The following KIF13B variants were observed in gnomAD, a reference collection of about 807,000 sequenced individuals.
KIF13B encodes the protein kinesin family member 13B, also known as kinesin-like protein KIF13B.
KIF13B carries 127 observed loss-of-function variants against 222.0 expected under a neutral mutation model. The ratio of observed to expected loss-of-function variants is 0.57; its 90% CI spans 0.50 to 0.66. KIF13B has a LOEUF of 0.66. KIF13B is among the 30% of genes least tolerant of loss of function. KIF13B has a pLI of 0.00. For missense variants in KIF13B, 2,173 were observed against 2,379.0 expected (o/e 0.91, Z 1.80); for synonymous variants, 976 against 919.0 (o/e 1.06, Z -1.12).
At chr8:29,173,765 A>G (rs4732665) in intron 10 of KIF13B, among the ~76,000 whole-genome samples, 126,869 of 151,948 alleles carry the variant, frequency 0.83, 53,698 homozygotes, top group Non-Finnish European at 0.9. Flanking sequence ...TCAACATGGC[A>G]AAACCCTGTC....
At chr8:29,072,532 A>C (rs1807348034) in intron 38 of KIF13B, among the ~76,000 whole-genome samples, 1 of 152,158 alleles carries the variant, frequency 6.6e-6, no homozygotes, top group Admixed American at 6.5e-5. Context: ...AAAATAAATA[A>C]ATAAAGAACA....
At position 29,240,213 on chromosome 8, in the gene KIF13B, C is replaced by G. The variant is rs540928642; in HGVS notation, c.149+5133G>C. Among the ~76,000 whole-genome samples, 300 of 151,366 alleles carry G rather than the reference C, an allele frequency of 2.0e-3. 1 individual carries two copies. Among genetic ancestry groups the G allele is most frequent in the African/African-American group, 7.0e-3 (288 of 41,256 alleles). ...AAACTTTTTCGAGTCACCCTTCTGG[C>G]CTTTCACTAGAAAAAGGCATTCATG... On this transcript the variant is annotated intron_variant, in intron 2 of 39. Transcript: ENST00000524189.
intron 2 of KIF13B, among the ~76,000 whole-genome samples, chr8:29,244,510 C>T (rs1487781849): frequency 1.3e-5 from 2 of 152,158 alleles, no homozygotes; most frequent in Non-Finnish European, 2.9e-5. Context: ...CAGCCTATCC[C>T]CACTCTGACC....
At chr8:29,119,392 A>C (rs928597626) in intron 29 of KIF13B, among the ~76,000 whole-genome samples, 1 of 152,188 alleles carries the variant, frequency 6.6e-6, no homozygotes, top group Non-Finnish European at 1.5e-5. Flanking sequence ...AGAAGGTTCC[A>C]CTGGCTGCAT....
At chr8:29,114,503 G>A (rs1024765043) in intron 31 of KIF13B, among the ~76,000 whole-genome samples, 1 of 152,172 alleles carries the variant, frequency 6.6e-6, no homozygotes, top group African/African-American at 2.4e-5. Context: ...ACTGTCCTTA[G>A]GGGTGGTGAA....
chr8:29,122,432 C>A (rs4732905), intron 29 of KIF13B, among the ~76,000 whole-genome samples, 159 bp downstream of exon 29: 128,689 of 152,140 alleles, frequency 0.85, 55,031 homozygotes, highest in Non-Finnish European at 0.9. Context: ...TATGACACAC[C>A]AATCAGTCCG....
At chr8:29,150,935 C>A (rs1811269469) in intron 14 of KIF13B, among the ~76,000 whole-genome samples, 1 of 152,092 alleles carries the variant, frequency 6.6e-6, no homozygotes, top group African/African-American at 2.4e-5. Flanking sequence ...AGTCACACAT[C>A]TCTCAAAAGG....
Position 29,118,946 on chromosome 8 carries a change from A to G in KIF13B, c.3582T>C (p.Gly1194=), listed in dbSNP as rs1465935773. ...CCCCAGTCAAGGTCGCATCCCATCCACCAGCTTCTGGGTCATCAAGATTAT... is the reference window on the plus strand; with the variant it reads ...CCCCAGTCAAGGTCGCATCCCATCCGCCAGCTTCTGGGTCATCAAGATTAT... The part of the protein sequence containing the change: ...SQDNLDDPEA[G]GWDATLTGEE... The change falls in exon 30 of 40, where the codon GGT becomes GGC. Residue 1194 remains glycine (G), a synonymous_variant. Transcript: ENST00000524189. 3 of 1,613,790 alleles carry G rather than the reference A, an allele frequency of 1.9e-6. No homozygotes were observed. The African/African-American group carries it at 4.0e-5, about 22-fold the overall frequency.
At chr8:29,185,214 G>T (rs1336963526) in intron 6 of KIF13B, among the ~76,000 whole-genome samples, 2 of 152,120 alleles carry the variant, frequency 1.3e-5, no homozygotes, top group Admixed American at 1.3e-4. Context: ...CACCTGAGTA[G>T]TTCTCACCCA....
rs1810152392 is a variant in KIF13B, at chr8:29,127,224, T to C, written c.3120A>G (p.Glu1040=). 1 of 1,613,808 alleles carries C rather than the reference T, an allele frequency of 6.2e-7. No homozygotes were observed. The highest frequency in any genetic ancestry group is 1.3e-5 in the African/African-American group (1 of 74,920). ...CTTCCATCAGTGGTAAAGTCCCAGATTCCTGCACTGACTTCACTTCGACTT... is the reference window on the plus strand; with the variant it reads ...CTTCCATCAGTGGTAAAGTCCCAGACTCCTGCACTGACTTCACTTCGACTT... ...RVQVEVKSVQ[E]SGTLPLMEEC... Residue 1040 remains glutamate (E), a synonymous_variant, in exon 25 of 40, where the codon GAA becomes GAG. Coordinates refer to ENST00000524189, the MANE Select transcript of KIF13B (RefSeq NM_015254.4).
rs1179308343 is a variant in KIF13B at position 29,070,735 on chromosome 8, C to G, written c.5250G>C (p.Gln1750His). The G allele has an allele frequency of 6.4e-7, 1 of 1,565,032 alleles. No individual in the cohort carries two copies. Among genetic ancestry groups the G allele is most frequent in the Admixed American group, 1.9e-5 (1 of 53,066 alleles). The change falls in exon 40 of 40, where the codon CAG becomes CAC. Residue 1750 changes from glutamine to histidine, a missense_variant. Around this residue, in one of 2 missense-constraint regions of KIF13B, gnomAD observed 693 missense variants for 656.2 expected, o/e 1.06. Transcript: ENST00000524189. This position sits in a 1 kb window ranked among gnomAD's most constrained non-coding sequence, Gnocchi z 4.1. ...CGTAGCCAGGGTTACACCTGAAGTA[C>G]TGCTTCCCGCCGATGGAACCGTCAT... ...GKNDGSIGGK[Q>H]YFRCNPGYGL...
chr8:29,229,172 T>C (rs780005172), intron 2 of KIF13B, among the ~76,000 whole-genome samples: 2 of 151,814 alleles, frequency 1.3e-5, no homozygotes, highest in African/African-American at 2.4e-5. Flanking sequence ...GTATCAGATG[T>C]CAATCAATAA....
chr8:29,074,300 C>T (rs1807452885), intron 38 of KIF13B, among the ~76,000 whole-genome samples: 2 of 152,196 alleles, frequency 1.3e-5, no homozygotes, highest in Non-Finnish European at 2.9e-5. Flanking sequence ...TCCAAGGCTG[C>T]ACTAAGTGAA....
chr8:29,180,278 G>A (rs753940262), intron 7 of KIF13B, 40 bp from the exon 8 acceptor site: 17 of 1,603,984 alleles, frequency 1.1e-5, no homozygotes, highest in Non-Finnish European at 1.5e-5. Flanking sequence ...TTCATTACTT[G>A]TGTAATACAC....
chr8:29,246,771 G>A lies in KIF13B; in HGVS notation c.56-1332C>T, dbSNP rs539961819. 1.8e-3 allele frequency among the ~76,000 whole-genome samples: 272 copies of A among 152,284 alleles called. 3 individuals carry two copies. Among genetic ancestry groups the A allele is most frequent in the Non-Finnish European group, 3.4e-3 (229 of 68,010 alleles). On this transcript the variant is annotated intron_variant, in intron 1 of 39. Transcript: ENST00000524189. ...AAGACATATATAAATCGATGGAATA[G>A]AATTGAGTCCCCAGAAATATATACT...
At chr8:29,257,827 A>G (rs73224695) in intron 1 of KIF13B, among the ~76,000 whole-genome samples, 29,449 of 152,118 alleles carry the variant, frequency 0.19, 3,800 homozygotes, top group East Asian at 0.58. Context: ...AAATAAATAA[A>G]TAAAAACAAA....
chr8:29,072,137 C>G lies in KIF13B; in HGVS notation c.4701G>C (p.Gly1567=). ...PPSPLSEASS[G]YFSHSVSTAT... is the part of the protein sequence containing the mutation. ...CGGTGGAGACGCTGTGGGAGAAGTA[C>G]CCGCTAGAGGCTTCACTCAGGGGGC... Residue 1567 remains glycine (G), a synonymous_variant, in exon 39 of 40, where the codon GGG becomes GGC. Coordinates refer to ENST00000524189, the MANE Select transcript of KIF13B (RefSeq NM_015254.4). The G allele has an allele frequency of 7.2e-7, 1 of 1,394,528 alleles. No homozygotes were observed. Among genetic ancestry groups the G allele is most frequent in the Non-Finnish European group, 9.3e-7 (1 of 1,072,482 alleles). The allele number at this position is 1,394,528 out of a possible 1,614,324, so 86.4% of individuals were successfully genotyped here.
intron 2 of KIF13B, among the ~76,000 whole-genome samples, chr8:29,208,247 C>T (rs1224116451): frequency 6.6e-6 from 1 of 152,162 alleles, no homozygotes; most frequent in Non-Finnish European, 1.5e-5. Flanking sequence ...CCTACCATAT[C>T]ACCTACTTGG....
chr8:29,259,530 T>C (rs1056042547), intron 1 of KIF13B, among the ~76,000 whole-genome samples: 6 of 152,240 alleles, frequency 3.9e-5, no homozygotes, highest in Admixed American at 2.0e-4. Context: ...CATTAAGATC[T>C]CATCCTATCT....
Sources: gnomAD v4.1 joint callset for allele counts (sites outside exome capture counted in the v4.1 genomes callset) on GRCh38, gnomAD v4.1.1 for gene constraint, gnomAD v4.1.1 regional missense constraint, Gnocchi (gnomAD v3.1) non-coding constraint, MANE v1.5 for transcripts, NCBI Gene and HGNC (gene_info 2026-07-23, HGNC 2026-07-21) for gene names.